Variants in MAPK10 observed in about 807,000 individuals in gnomAD.
MAPK10 encodes mitogen-activated protein kinase 10, also known as JNK3 alpha protein kinase.
A neutral mutation model predicts 59.3 loss-of-function variants in MAPK10; 25 were observed. The ratio of observed to expected loss-of-function variants is 0.42; its 90% CI spans 0.31 to 0.59. The LOEUF (loss-of-function observed/expected upper bound fraction) is 0.59, where lower values mean the gene tolerates loss of function less well. Among genes scored for constraint, MAPK10 ranks in the 20% least tolerant of loss-of-function variants. The pLI is 0.15. For synonymous variants in MAPK10, 190 were observed against 200.5 expected, an observed-to-expected ratio of 0.95 and a Z score of 0.44; for missense variants, 351 against 568.9, an observed-to-expected ratio of 0.62 and a Z score of 3.90.
At chr4:86,338,345 C>T (rs1437874188) in intron 2 of MAPK10, among the ~76,000 whole-genome samples, 3 of 152,234 alleles carry the variant, frequency 2.0e-5, no homozygotes, top group African/African-American at 7.2e-5. Context: ...TTACCCGCTT[C>T]TGCAGACAAA....
At chr4:86,214,360 C>A (rs989925483) in intron 2 of MAPK10, among the ~76,000 whole-genome samples, 2 of 151,216 alleles carry the variant, frequency 1.3e-5, no homozygotes, top group Non-Finnish European at 3.0e-5. Flanking sequence ...TTCTATTCAA[C>A]AAATTTCTAG....
intron 1 of MAPK10, among the ~76,000 whole-genome samples, chr4:86,394,268 C>CA (rs558448709): frequency 1.4e-3 from 194 of 142,954 alleles, no homozygotes; most frequent in Non-Finnish European, 1.8e-3. Flanking sequence ...GACTCCATTT[C>CA]AAAAAAAAAA....
chr4:86,311,625 G>T lies in MAPK10; in HGVS notation c.-7+42905C>A, dbSNP rs7662140. 8.3e-3 allele frequency among the ~76,000 whole-genome samples: 1,269 copies of T among 152,114 alleles called. 21 individuals carry two copies. The highest frequency in any genetic ancestry group is 0.03 in the African/African-American group (1,228 of 41,506). ...CTACCCCAAGTATGATGGTAGAAAT[G>T]GTGAGACTCTTTATTCCTAGGTGTG... On this transcript the variant is annotated intron_variant, in intron 2 of 13. Transcript: ENST00000641462.
intron 2 of MAPK10, among the ~76,000 whole-genome samples, chr4:86,293,417 T>C (rs1306142995): frequency 6.6e-6 from 1 of 152,184 alleles, no homozygotes; most frequent in Non-Finnish European, 1.5e-5. Context: ...AGAGCACTTC[T>C]TTAGAAAGGG....
chr4:86,456,440 T>C (rs1271637589), upstream of MAPK10, among the ~76,000 whole-genome samples: 1 of 151,460 alleles, frequency 6.6e-6, no homozygotes, highest in Non-Finnish European at 1.5e-5. Context: ...AGAAAGAAAA[T>C]CCAGATAAGC....
At chr4:86,342,632 G>A (rs1725669231) in intron 2 of MAPK10, among the ~76,000 whole-genome samples, 1 of 152,154 alleles carries the variant, frequency 6.6e-6, no homozygotes, top group Non-Finnish European at 1.5e-5. Context: ...AAAGCTAAAG[G>A]ACCTGTGCAT....
chr4:86,447,137 G>A (rs1001646893), intron 1 of MAPK10, among the ~76,000 whole-genome samples: 1 of 152,104 alleles, frequency 6.6e-6, no homozygotes, highest in Non-Finnish European at 1.5e-5. Flanking sequence ...TAATCCCCAG[G>A]TGTTGAGAGA....
chr4:86,217,983 C>T (rs779193828), intron 2 of MAPK10, among the ~76,000 whole-genome samples: 4 of 151,906 alleles, frequency 2.6e-5, no homozygotes, highest in Non-Finnish European at 5.9e-5. Context: ...TATGTATAGT[C>T]ATGTTTAATA....
intron 2 of MAPK10, among the ~76,000 whole-genome samples, chr4:86,353,495 G>A (rs1370034314): frequency 6.6e-6 from 1 of 152,066 alleles, no homozygotes; most frequent in East Asian, 1.9e-4. Flanking sequence ...TTTGTTATTG[G>A]CAATTGCATA....
At chr4:86,089,188 G>A in intron 9 of MAPK10, 3 of 1,598,050 alleles carry the variant, frequency 1.9e-6, no homozygotes, top group Non-Finnish European at 2.6e-6. Flanking sequence ...AGATACCACT[G>A]GCTGCTAAGA....
At chr4:86,118,350 A>C (rs2149106513) in intron 4 of MAPK10, among the ~76,000 whole-genome samples, 1 of 152,220 alleles carries the variant, frequency 6.6e-6, no homozygotes, top group Middle Eastern at 3.4e-3. Context: ...TATGCAGGTA[A>C]AAATGGAGAT....
intron 2 of MAPK10, among the ~76,000 whole-genome samples, chr4:86,353,459 T>C (rs750334737): frequency 1.3e-5 from 2 of 152,126 alleles, no homozygotes; most frequent in Non-Finnish European, 2.9e-5. Context: ...CCATATAAAA[T>C]TGCCCTTATT....
At chr4:86,250,784 G>A (rs116102892) in intron 2 of MAPK10, among the ~76,000 whole-genome samples, 1 of 152,102 alleles carries the variant, frequency 6.6e-6, no homozygotes, top group Non-Finnish European at 1.5e-5. Context: ...AAGGAAACAC[G>A]TTCTCAAAGA....
At chr4:86,511,582 A>G (rs187680072) in intron 1 of MAPK10, among the ~76,000 whole-genome samples, 15 of 151,794 alleles carry the variant, frequency 9.9e-5, no homozygotes, top group Admixed American at 9.9e-4. Flanking sequence ...AAGAAAAAAC[A>G]AGGAGGAAAG....
At chr4:86,469,614 G>A (rs1416609711) in intron 1 of MAPK10, among the ~76,000 whole-genome samples, 1 of 152,186 alleles carries the variant, frequency 6.6e-6, no homozygotes, top group African/African-American at 2.4e-5. Flanking sequence ...AAAGAGGATA[G>A]TAAATACCTC....
At chr4:86,587,522 T>C (rs747657499) in intron 1 of MAPK10, among the ~76,000 whole-genome samples, 12 of 152,320 alleles carry the variant, frequency 7.9e-5, no homozygotes, top group Admixed American at 1.3e-4. Context: ...AATTATCTGC[T>C]CATGTTTTAG....
intron 1 of MAPK10, among the ~76,000 whole-genome samples, chr4:86,376,190 G>C (rs1739783779): frequency 6.6e-6 from 1 of 152,046 alleles, no homozygotes; most frequent in Non-Finnish European, 1.5e-5. Context: ...GTTTAGTAAG[G>C]TACTACTAAA....
chr4:86,347,193 G>A (rs1728743287), intron 2 of MAPK10, among the ~76,000 whole-genome samples: 1 of 152,134 alleles, frequency 6.6e-6, no homozygotes, highest in African/African-American at 2.4e-5. Context: ...AATGAATGCT[G>A]TTAAACTATA....
At chr4:86,361,317 A>G (rs1461307926), upstream of MAPK10, among the ~76,000 whole-genome samples, 1 of 152,152 alleles carries the variant, frequency 6.6e-6, no homozygotes, top group Non-Finnish European at 1.5e-5. Flanking sequence ...AAGTGTTTGG[A>G]TGTCCCTTTA....
Sources: gnomAD v4.1 joint callset for allele counts (sites outside exome capture counted in the v4.1 genomes callset) on GRCh38, gnomAD v4.1.1 for gene constraint, MANE v1.5 for transcripts, NCBI Gene and HGNC (gene_info 2026-07-23, HGNC 2026-07-21) for gene names.